Variants in FGF13 observed in about 807,000 individuals in gnomAD.
FGF13 encodes fibroblast growth factor 13.
FGF13 carries 2 observed loss-of-function variants against 19.5 expected under a neutral mutation model. The observed-to-expected ratio is 0.10, with a 90% CI of 0.04 to 0.32. FGF13 has a LOEUF of 0.32. Among genes scored for constraint, FGF13 ranks in the 10% least tolerant of loss-of-function variants. The pLI, the probability that FGF13 is intolerant of heterozygous loss-of-function variation, is 1.00. For missense variants in FGF13, 113 were observed against 192.7 expected (o/e 0.59, Z 2.45); for synonymous variants, 72 against 76.9 (o/e 0.94, Z 0.33).
chrX:138,786,745 G>A (rs1302136771), intron 3 of FGF13, among the ~76,000 whole-genome samples: 1 of 111,539 alleles, frequency 9.0e-6, no homozygotes, highest in Admixed American at 9.5e-5. Context: ...ATGTAGATCT[G>A]CTAATAACTA....
chrX:139,185,304 A>T (rs1310836947), intron 1 of FGF13, among the ~76,000 whole-genome samples: 1 of 112,262 alleles, frequency 8.9e-6, no homozygotes, highest in African/African-American at 3.2e-5. Context: ...GTCTCTTTTA[A>T]CCCACTATAT....
chrX:139,140,154 A>G (rs1432829895), intron 1 of FGF13, among the ~76,000 whole-genome samples: 1 of 111,562 alleles, frequency 9.0e-6, no homozygotes, highest in East Asian at 2.8e-4. Flanking sequence ...TCTGAAATCC[A>G]GACTCATATA....
chrX:139,031,897 G>A (rs932387172), intron 1 of FGF13, among the ~76,000 whole-genome samples: 6 of 110,260 alleles, frequency 5.4e-5, no homozygotes, highest in African/African-American at 2.0e-4. Flanking sequence ...TACAACTCTG[G>A]TTAGATTATT....
chrX:139,122,712 C>T (rs765128796), intron 1 of FGF13, among the ~76,000 whole-genome samples: 4 of 111,432 alleles, frequency 3.6e-5, no homozygotes, highest in Non-Finnish European at 5.6e-5. Context: ...TCCCCTAAGA[C>T]TTCTTCATCT....
intron 1 of FGF13, among the ~76,000 whole-genome samples, chrX:139,057,166 G>A (rs979293347): frequency 9.0e-6 from 1 of 111,389 alleles, no homozygotes; most frequent in Admixed American, 9.5e-5. Flanking sequence ...AATCTTGAAG[G>A]CCTTGTCCAC....
chrX:138,684,939 C>T (rs2089764336), intron 3 of FGF13, among the ~76,000 whole-genome samples: 1 of 111,324 alleles, frequency 9.0e-6, no homozygotes, highest in Non-Finnish European at 1.9e-5. Flanking sequence ...CAGAGAACAA[C>T]AAACAATAAA....
intron 3 of FGF13, among the ~76,000 whole-genome samples, chrX:138,776,451 C>T (rs1479824256): frequency 8.9e-6 from 1 of 111,786 alleles, no homozygotes; most frequent in Non-Finnish European, 1.9e-5. Context: ...ACCATCATAA[C>T]GGTCCTATGA....
chrX:138,908,329 T>C (rs1198673170), intron 1 of FGF13, among the ~76,000 whole-genome samples: 2 of 108,684 alleles, frequency 1.8e-5, no homozygotes, highest in East Asian at 5.8e-4. Flanking sequence ...CCGCCCACCT[T>C]GGCTCCCAAA....
At chrX:138,796,935 CT>C (rs1187963840) in intron 3 of FGF13, among the ~76,000 whole-genome samples, 3 of 111,334 alleles carry the variant, frequency 2.7e-5, no homozygotes, top group Non-Finnish European at 5.7e-5. Context: ...GTTTAAGTTC[CT>C]TGTAGATTCT....
At chrX:139,079,171 T>C (rs770149532) in intron 1 of FGF13, among the ~76,000 whole-genome samples, 11 of 111,341 alleles carry the variant, frequency 9.9e-5, no homozygotes, top group Non-Finnish European at 1.9e-4. Context: ...TGGATCTAGA[T>C]GGATATAGGA....
At chrX:139,090,228 A>C (rs1476760705) in intron 1 of FGF13, among the ~76,000 whole-genome samples, 1 of 111,934 alleles carries the variant, frequency 8.9e-6, no homozygotes, top group Admixed American at 9.5e-5. Context: ...TCTGCAAAGT[A>C]AGTTTCCAGT....
chrX:139,123,150 G>A (rs2083690263), intron 1 of FGF13, among the ~76,000 whole-genome samples: 1 of 111,326 alleles, frequency 9.0e-6, no homozygotes, highest in South Asian at 3.8e-4. Context: ...GCTTTCCCCT[G>A]GAGTAGGACA....
chrX:138,947,495 G>GA (rs766328739), intron 1 of FGF13, among the ~76,000 whole-genome samples: 124 of 105,574 alleles, frequency 1.2e-3, no homozygotes, highest in Middle Eastern at 4.8e-3. Context: ...TGATTGTGAA[G>GA]AAAAAATAAA....
At chrX:138,736,731 T>C (rs1193292441) in intron 1 of FGF13, among the ~76,000 whole-genome samples, 1 of 110,528 alleles carries the variant, frequency 9.0e-6, no homozygotes, top group Admixed American at 9.7e-5. Context: ...CAAATATATA[T>C]ATGTAAATAT....
chrX:139,081,128 C>CA lies in FGF13; in HGVS notation c.-113+122287dup, dbSNP rs1215243526. 9.9e-5 allele frequency among the ~76,000 whole-genome samples: 11 copies of CA among 110,820 alleles called. No individual in the cohort carries two copies. In the East Asian group the frequency reaches 2.9e-3, roughly 29 times the overall value. On this transcript the variant is annotated intron_variant, in intron 1 of 2. Coordinates refer to the FGF13 transcript ENST00000421460. Reference sequence around the variant, plus strand: ...TCCCATTCTCTTTTGAAATGCCCCCCACGCCCTGCCAAGCAATCTTTCATC... The same window carrying CA: ...TCCCATTCTCTTTTGAAATGCCCCCCAACGCCCTGCCAAGCAATCTTTCATC...
At chrX:138,890,357 G>C (rs1009098524) in intron 1 of FGF13, among the ~76,000 whole-genome samples, 3 of 111,888 alleles carry the variant, frequency 2.7e-5, no homozygotes, top group South Asian at 7.5e-4. Flanking sequence ...ATATAAGATA[G>C]TGATAGTGCT....
chrX:138,761,210 C>CT (rs1296340313), intron 3 of FGF13, among the ~76,000 whole-genome samples: 1 of 111,974 alleles, frequency 8.9e-6, no homozygotes, highest in Non-Finnish European at 1.9e-5. Context: ...TTTGACGATA[C>CT]TTTTTTATGG....
intron 1 of FGF13, among the ~76,000 whole-genome samples, chrX:138,877,123 G>T (rs937479730): frequency 4.5e-5 from 5 of 111,093 alleles, no homozygotes; most frequent in South Asian, 3.9e-4. Flanking sequence ...AGGGGGTGGT[G>T]GGGGGTGAGG....
intron 3 of FGF13, among the ~76,000 whole-genome samples, chrX:138,784,321 A>T (rs1294042481): frequency 1.9e-5 from 2 of 106,850 alleles, no homozygotes; most frequent in African/African-American, 6.8e-5. Context: ...ATAATAATAA[A>T]AAAAAAATTA....
Sources: allele counts gnomAD v4.1 joint callset (sites outside exome capture counted in the v4.1 genomes callset), GRCh38; gene constraint gnomAD v4.1.1; transcripts MANE v1.5; gene names NCBI Gene and HGNC (gene_info 2026-07-23, HGNC 2026-07-21).